Variants in LRRC34 observed in about 807,000 individuals in gnomAD.
The protein encoded by LRRC34 is leucine-rich repeat-containing protein 34.
In LRRC34, 44 loss-of-function variants were observed where a neutral mutation model predicts 48.5. The observed-to-expected ratio is 0.91, with a 90% confidence interval of 0.71 to 1.17. The LOEUF (loss-of-function observed/expected upper bound fraction) is 1.17. Ranked by LOEUF, LRRC34 falls within the 50% of genes most tolerant of loss-of-function variation. The pLI is 0.00. For synonymous variants in LRRC34, 192 were observed against 197.6 expected, an observed-to-expected ratio of 0.97 and a Z score of 0.24; for missense variants, 502 against 563.0, an observed-to-expected ratio of 0.89 and a Z score of 1.10.
In LRRC34 at chr3:169,808,637, A is replaced by G. The variant is rs753080115; in HGVS notation, c.248T>C (p.Ile83Thr). Residue 83 changes from isoleucine (I) to threonine (T), a missense_variant, in exon 2 of 11, where the codon ATT (isoleucine) becomes ACT (threonine). Transcript: ENST00000446859. Reference protein sequence around the residue: ...LHILQEVDEEIKKGLAAGITL... With the variant: ...LHILQEVDEETKKGLAAGITL... The stretch of plus-strand genomic sequence containing the variant: ...TATTTGTCTTTCTTACCCCTTTTTA[A>G]TTTCTTCATCCACTTCTTGGAGTAT... 1 of 1,486,824 alleles carries G rather than the reference A, an allele frequency of 6.7e-7. No individual in the cohort carries two copies. Among genetic ancestry groups the G allele is most frequent in the Admixed American group, 1.9e-5 (1 of 53,318 alleles). 92.1% of individuals were successfully genotyped at this position (1,486,824 alleles called of 1,614,324 possible). A position where few individuals can be genotyped will look rare whatever the true frequency, so the allele number is the denominator to read the frequency against.
In LRRC34 at chr3:169,806,865, T is replaced by C. The variant is rs1779392847; in HGVS notation, c.511A>G (p.Ile171Val). ...NDIGPEGGEL[I>V]AKVLHKNRTL... ...ATGCTTACATGTAGCACTTTAGCAATCAATTCTCCACCTTCGGGCCCAATA... is the reference window on the plus strand; with the variant it reads ...ATGCTTACATGTAGCACTTTAGCAACCAATTCTCCACCTTCGGGCCCAATA... The change falls in exon 5 of 11, where the codon ATT (isoleucine) becomes GTT (valine). Residue 171 changes from isoleucine (I) to valine (V), a missense_variant. By Grantham distance (29) the Ile-to-Val change is conservative. Transcript: ENST00000446859. 4 of 1,603,696 alleles carry C rather than the reference T, an allele frequency of 2.5e-6. No homozygotes were observed. Among genetic ancestry groups the C allele is most frequent in the South Asian group, 1.1e-5 (1 of 89,982 alleles).
intron 5 of LRRC34, among the ~76,000 whole-genome samples, chr3:169,806,089 A>T (rs1779362501): frequency 2.0e-5 from 3 of 152,178 alleles, no homozygotes; most frequent in Non-Finnish European, 4.4e-5. Flanking sequence ...AGACATACAG[A>T]TTAAAAGAAT....
intron 7 of LRRC34, among the ~76,000 whole-genome samples, chr3:169,799,059 T>C (rs1779095493): frequency 2.0e-5 from 3 of 152,368 alleles, no homozygotes; most frequent in Non-Finnish European, 4.4e-5. Flanking sequence ...CTTTGAGCTG[T>C]ATTTTGCTAG....
chr3:169,799,866 C>T (rs1779130034), intron 7 of LRRC34, among the ~76,000 whole-genome samples: 1 of 152,126 alleles, frequency 6.6e-6, no homozygotes, highest in African/African-American at 2.4e-5. Flanking sequence ...GCACCTGCCA[C>T]CATGCCTGGC....
intron 7 of LRRC34, among the ~76,000 whole-genome samples, chr3:169,798,782 C>T (rs1779084234): frequency 6.6e-6 from 1 of 152,084 alleles, no homozygotes; most frequent in African/African-American, 2.4e-5. Flanking sequence ...GTCATGTCCT[C>T]AATCTGAGAA....
At chr3:169,793,987 C>T (rs1460345468) in intron 10 of LRRC34, 149 bp from the exon 11 acceptor site, 1 of 550,676 alleles carries the variant, frequency 1.8e-6, no homozygotes, top group African/African-American at 1.9e-5. Flanking sequence ...TTAATATTTT[C>T]CAGGTATTGT....
At position 169,793,523 on chromosome 3, in the gene LRRC34, C is replaced by A. The variant is rs2108217524; in HGVS notation, c.*112G>T. The A allele has an allele frequency of 1.3e-6, 1 of 764,790 alleles. No homozygotes were observed. Among genetic ancestry groups the A allele is most frequent in the East Asian group, 2.7e-5 (1 of 36,722 alleles). 47.4% of individuals were successfully genotyped at this position (764,790 alleles called of 1,614,324 possible). A position where few individuals can be genotyped will look rare whatever the true frequency, so the allele number is the denominator to read the frequency against. ...AGTTTAATACAGTCATTATCTTTTA[C>A]ACATTTGAAAAAAGTAACTTGTTTT... is the stretch of plus-strand genomic sequence containing the variant. On this transcript the variant is annotated 3_prime_UTR_variant, in exon 11 of 11. Coordinates refer to ENST00000446859, the MANE Select transcript of LRRC34 (RefSeq NM_001172779.2).
intron 10 of LRRC34, 105 bp downstream of exon 10, chr3:169,795,380 G>T: frequency 8.6e-7 from 1 of 1,161,780 alleles, no homozygotes; most frequent in Non-Finnish European, 1.2e-6. Flanking sequence ...CAAAACTGCA[G>T]TGTCTCACTG....
At chr3:169,796,519 C>T (rs1778994986) in intron 8 of LRRC34, 150 bp from the exon 9 acceptor site, 2 of 1,013,846 alleles carry the variant, frequency 2.0e-6, no homozygotes, top group Non-Finnish European at 2.8e-6. Context: ...GAAAATTCAC[C>T]ATAAAATATT....
chr3:169,793,275 CCACAAACCTT>C lies in LRRC34; in HGVS notation c.*350_*359del, dbSNP rs1274915643. Among the ~76,000 whole-genome samples the C allele has an allele frequency of 7.9e-5, 12 of 152,142 alleles. No homozygotes were observed. Among genetic ancestry groups the C allele is most frequent in the Non-Finnish European group, 1.6e-4 (11 of 68,024 alleles). ...TTTGAAAGTCACTGGTAATTTTCTA[CCACAAACCTT>C]TTTATTAATACTACTTAATAACTTT... On this transcript the variant is annotated 3_prime_UTR_variant, in exon 11 of 11. Coordinates refer to ENST00000446859, the MANE Select transcript of LRRC34 (RefSeq NM_001172779.2).
chr3:169,795,281 T>A, intron 10 of LRRC34: 2 of 335,458 alleles, frequency 6.0e-6, no homozygotes, highest in Admixed American at 9.1e-5. Context: ...CATTCAGTGA[T>A]GTGTAATACT....
In LRRC34 at chr3:169,807,672, T is replaced by C. The variant is rs1779424757; in HGVS notation, c.295A>G (p.Asn99Asp). 1.2e-6 allele frequency: 2 copies of C among 1,608,634 alleles called. No homozygotes were observed. Among genetic ancestry groups the C allele is most frequent in the Non-Finnish European group, 8.5e-7 (1 of 1,178,570 alleles). Residue 99 changes from asparagine (N) to aspartate (D), a missense_variant, in exon 3 of 11, where the codon AAT becomes GAT. Transcript: ENST00000446859. ...ACTCTTTCTACTGGCACTAAGCGATTGTTACCAGCAATGTTTAATGTGATT... is the reference window on the plus strand; with the variant it reads ...ACTCTTTCTACTGGCACTAAGCGATCGTTACCAGCAATGTTTAATGTGATT... Reference protein sequence around the residue: ...AGITLNIAGNNRLVPVERVTG... With the variant: ...AGITLNIAGNDRLVPVERVTG...
intron 7 of LRRC34, among the ~76,000 whole-genome samples, chr3:169,798,705 TCTC>T (rs1308388290): frequency 1.3e-5 from 2 of 152,136 alleles, no homozygotes; most frequent in Non-Finnish European, 2.9e-5. Flanking sequence ...TATAATGTGA[TCTC>T]CTATATATAA....
Position 169,808,655 on chromosome 3 carries a change from T to C in LRRC34, c.230A>G (p.Gln77Arg). 6.4e-7 allele frequency: 1 copy of C among 1,554,028 alleles called. No homozygotes were observed. Among genetic ancestry groups the C allele is most frequent in the Non-Finnish European group, 8.8e-7 (1 of 1,131,460 alleles). The change falls in exon 2 of 11, where the codon CAA becomes CGA. Residue 77 changes from glutamine to arginine, a missense_variant. By Grantham distance (43) the Gln-to-Arg change is conservative. Transcript: ENST00000446859. ...KINPFILHILQEVDEEIKKGL... is the reference protein window; with the variant it reads ...KINPFILHILREVDEEIKKGL... ...CTTTTTAATTTCTTCATCCACTTCT[T>C]GGAGTATATGCAATATAAAAGGATT...
intron 1 of LRRC34, among the ~76,000 whole-genome samples, chr3:169,809,596 A>G (rs990846237): frequency 6.6e-6 from 1 of 152,182 alleles, no homozygotes; most frequent in Non-Finnish European, 1.5e-5. Flanking sequence ...CAAGGCCTAC[A>G]TCTTCTGGGG....
At chr3:169,808,832 G>C (rs959504806) in intron 1 of LRRC34, 87 bp from the exon 2 acceptor site, 3 of 735,214 alleles carry the variant, frequency 4.1e-6, no homozygotes, top group Non-Finnish European at 7.0e-6. Context: ...TCAAATATAT[G>C]AGTTGTATGT....
chr3:169,805,734 A>C (rs985380486), intron 5 of LRRC34, among the ~76,000 whole-genome samples: 1 of 152,080 alleles, frequency 6.6e-6, no homozygotes, highest in Non-Finnish European at 1.5e-5. Context: ...AAAGTACAAA[A>C]TTAGCCAGGC....
Position 169,808,630 on chromosome 3 carries a change from C to T in LRRC34, c.255G>A (p.Lys85=). The T allele has an allele frequency of 1.4e-6, 2 of 1,448,474 alleles. No homozygotes were observed. Among genetic ancestry groups the T allele is most frequent in the Non-Finnish European group, 1.9e-6 (2 of 1,043,208 alleles). The allele number at this position is 1,448,474 out of a possible 1,614,324, so 89.7% of individuals were successfully genotyped here. The change falls in exon 2 of 11, where the codon AAG becomes AAA. Residue 85 remains lysine (K), a splice_region_variant and synonymous_variant. Coordinates refer to ENST00000446859, the MANE Select transcript of LRRC34 (RefSeq NM_001172779.2). ...AATCAAGTATTTGTCTTTCTTACCC[C>T]TTTTTAATTTCTTCATCCACTTCTT... ...ILQEVDEEIK[K]GLAAGITLNI...
intron 2 of LRRC34, among the ~76,000 whole-genome samples, 158 bp from the exon 3 acceptor site, chr3:169,807,867 T>C (rs539916216): frequency 5.3e-5 from 8 of 152,322 alleles, no homozygotes; most frequent in Admixed American, 6.5e-5. Context: ...AGTATATTTA[T>C]ACCAGGTAAC....
Sources: gnomAD v4.1 joint callset for allele counts (sites outside exome capture counted in the v4.1 genomes callset) on GRCh38, gnomAD v4.1.1 for gene constraint, MANE v1.5 for transcripts, NCBI Gene and HGNC (gene_info 2026-07-23, HGNC 2026-07-21) for gene names.